Variants in ANKRD30BL observed in about 807,000 individuals in gnomAD.
ANKRD30BL encodes ankyrin repeat domain 30B like.
ANKRD30BL carries 20 observed loss-of-function variants against 18.4 expected under a neutral mutation model. The ratio of observed to expected loss-of-function variants is 1.09; its 90% confidence interval spans 0.77 to 1.58. ANKRD30BL has a LOEUF of 1.58. Among genes scored for constraint, ANKRD30BL ranks in the 40% most tolerant of loss-of-function variants. The pLI is 0.00. For missense variants in ANKRD30BL, 224 were observed against 268.6 expected (o/e 0.83, Z 1.16); for synonymous variants, 72 against 100.9 (o/e 0.71, Z 1.72).
chr2:132,201,891 C>G (rs563664265), intron 1 of ANKRD30BL, among the ~76,000 whole-genome samples: 16 of 152,230 alleles, frequency 1.1e-4, no homozygotes, highest in African/African-American at 3.6e-4. Context: ...TGGAACCAAC[C>G]CAAATGTCCA....
intron 1 of ANKRD30BL, among the ~76,000 whole-genome samples, chr2:132,230,877 C>G (rs1390366826): frequency 1.3e-5 from 2 of 151,826 alleles, no homozygotes; most frequent in Non-Finnish European, 2.9e-5. Context: ...GCATTCACCT[C>G]AGAGAGTTGA....
intron 1 of ANKRD30BL, among the ~76,000 whole-genome samples, chr2:132,232,105 C>T (rs1680038041): frequency 1.3e-5 from 2 of 152,146 alleles, no homozygotes; most frequent in South Asian, 2.1e-4. Context: ...GGTATTCCAA[C>T]AGACCTGCAG....
chr2:132,180,078 T>C (rs1468027459), intron 1 of ANKRD30BL, among the ~76,000 whole-genome samples: 3 of 152,182 alleles, frequency 2.0e-5, no homozygotes, highest in Non-Finnish European at 4.4e-5. Context: ...ATAGCTTAAG[T>C]GTACATCCAG....
intron 1 of ANKRD30BL, among the ~76,000 whole-genome samples, chr2:132,187,761 C>CTTTT (rs113704728): frequency 1.6e-3 from 221 of 142,250 alleles, no homozygotes; most frequent in Middle Eastern, 7.4e-3. Context: ...AGAATAGATT[C>CTTTT]TTTTTTTTTT....
intron 1 of ANKRD30BL, among the ~76,000 whole-genome samples, chr2:132,247,703 G>A (rs1456950603): frequency 2.6e-5 from 4 of 151,194 alleles, no homozygotes; most frequent in Non-Finnish European, 5.9e-5. Context: ...TGAGATGAAA[G>A]CACACATCAT....
Position 132,147,760 on chromosome 2 carries a change from A to G in ANKRD30BL, c.*371T>C, listed in dbSNP as rs1188338448. ...AGGGTTGGACTGCACACTCTAAGCC[A>G]ATTCAGATTGGCTATTTAAAGAGGG... On this transcript the variant is annotated 3_prime_UTR_variant, in exon 6 of 6. Coordinates refer to ENST00000409867, the MANE Select transcript of ANKRD30BL (RefSeq NM_001358416.1). 3.9e-6 allele frequency: 1 copy of G among 258,998 alleles called. No individual in the cohort carries two copies. The highest frequency in any genetic ancestry group is 2.2e-5 in the African/African-American group (1 of 45,954). The allele number at this position is 258,998 out of a possible 1,614,324, so 16.0% of individuals were successfully genotyped here.
rs534834956 is a variant in ANKRD30BL at position 132,246,138 on chromosome 2, A to T, written n.441+11391T>A. ...GAAACGGGAATATCTTCACATAAAA[A>T]CTACACAGAAGCATTCTCCGAAACT... On this transcript the variant is annotated intron_variant and non_coding_transcript_variant, in intron 1 of 4. Transcript: ENST00000470729. Among the ~76,000 whole-genome samples, 23 of 151,818 alleles carry T rather than the reference A, an allele frequency of 1.5e-4. No homozygotes were observed. The East Asian group carries it at 4.5e-3, about 29-fold the overall frequency.
At chr2:132,184,655 A>G (rs1161063743) in intron 1 of ANKRD30BL, among the ~76,000 whole-genome samples, 1 of 152,210 alleles carries the variant, frequency 6.6e-6, no homozygotes, top group Non-Finnish European at 1.5e-5. Flanking sequence ...ATATATGTGT[A>G]AAATGCATAT....
rs368162131 is a variant in ANKRD30BL, at chr2:132,179,498, AG to A, written n.442-22353del. Among the ~76,000 whole-genome samples, 66 of 152,184 alleles carry A rather than the reference AG, an allele frequency of 4.3e-4. 1 individual carries two copies. In the East Asian group the frequency reaches 0.013, roughly 29 times the overall value. On this transcript the variant is annotated intron_variant and non_coding_transcript_variant, in intron 1 of 4. Coordinates refer to the ANKRD30BL transcript ENST00000470729. ...GAAACAGGGTTTCACCATGTTGGCC[AG>A]GCTGCTCTTGAACTGCTGCCCTCAA... is the stretch of plus-strand genomic sequence containing the variant.
intron 1 of ANKRD30BL, among the ~76,000 whole-genome samples, chr2:132,170,779 A>G (rs2104940800): frequency 6.6e-6 from 1 of 152,300 alleles, no homozygotes; most frequent in South Asian, 2.1e-4. Context: ...GACTTCACCT[A>G]TGTGTTTAAC....
chr2:132,237,609 G>A lies in ANKRD30BL; in HGVS notation n.441+19920C>T, dbSNP rs113925837. 3.9e-5 allele frequency among the ~76,000 whole-genome samples: 6 copies of A among 152,044 alleles called. No individual in the cohort carries two copies. The East Asian group carries it at 1.2e-3, about 29-fold the overall frequency. On this transcript the variant is annotated intron_variant and non_coding_transcript_variant, in intron 1 of 4. Coordinates refer to the ANKRD30BL transcript ENST00000470729. ...AGCTTTGAGGCCTTCGCTGGAAACG[G>A]GTATGTCTTCACATAAAAACTAGAC...
intron 1 of ANKRD30BL, among the ~76,000 whole-genome samples, chr2:132,198,159 AAG>A (rs1410359852): frequency 6.6e-6 from 1 of 151,876 alleles, no homozygotes; most frequent in Admixed American, 6.6e-5. Flanking sequence ...ATATTTTAAC[AAG>A]AGTTATTGTT....
chr2:132,161,314 G>A (rs1405371125), intron 1 of ANKRD30BL, among the ~76,000 whole-genome samples, 174 bp downstream of exon 1: 1 of 152,088 alleles, frequency 6.6e-6, no homozygotes, highest in Non-Finnish European at 1.5e-5. Flanking sequence ...AAGGCCTGGG[G>A]GACCTGCCCG....
At chr2:132,149,514 A>G (rs577599986) in intron 5 of ANKRD30BL, among the ~76,000 whole-genome samples, 2 of 152,336 alleles carry the variant, frequency 1.3e-5, no homozygotes, top group South Asian at 2.1e-4. Flanking sequence ...TGCACTCAGT[A>G]GGTATCTTTG....
chr2:132,219,451 G>A (rs1431739849), intron 1 of ANKRD30BL, among the ~76,000 whole-genome samples: 3 of 151,610 alleles, frequency 2.0e-5, no homozygotes, highest in Non-Finnish European at 4.4e-5. Flanking sequence ...GACATTTGGA[G>A]GGCTTTAAGC....
intron 1 of ANKRD30BL, among the ~76,000 whole-genome samples, chr2:132,188,706 T>C (rs1678771159): frequency 6.9e-6 from 1 of 145,096 alleles, no homozygotes; most frequent in South Asian, 2.1e-4. Context: ...CGAGCCTCTG[T>C]CTCAGAAAAC....
In ANKRD30BL at chr2:132,237,475, C is replaced by T. The variant is rs550845370; in HGVS notation, n.441+20054G>A. On this transcript the variant is annotated intron_variant and non_coding_transcript_variant, in intron 1 of 4. Transcript: ENST00000470729. ...ACATAAAACTAGACAGAAGCATTCT[C>T]AGAAACTTATTTGTGATGTGTGCAT... 2.0e-5 allele frequency among the ~76,000 whole-genome samples: 3 copies of T among 152,148 alleles called. No homozygotes were observed. In the South Asian group the frequency reaches 6.2e-4, roughly 32 times the overall value.
intron 1 of ANKRD30BL, among the ~76,000 whole-genome samples, chr2:132,231,168 T>G (rs1436403172): frequency 2.6e-5 from 4 of 152,154 alleles, no homozygotes; most frequent in Admixed American, 1.3e-4. Context: ...ACATAAAAAC[T>G]ACATAGAAGC....
chr2:132,198,256 C>CTTCTTTCTTTCTT (rs1436404389), intron 1 of ANKRD30BL, among the ~76,000 whole-genome samples: 1 of 136,966 alleles, frequency 7.3e-6, no homozygotes, highest in Non-Finnish European at 1.5e-5. Flanking sequence ...TTTACTATAC[C>CTTCTTTCTTTCTT]TTCTTTCTTT....
Sources: gnomAD v4.1 joint callset for allele counts (sites outside exome capture counted in the v4.1 genomes callset) on GRCh38, gnomAD v4.1.1 for gene constraint, MANE v1.5 for transcripts, NCBI Gene and HGNC (gene_info 2026-07-23, HGNC 2026-07-21) for gene names.